Variants in REPS2 observed in about 807,000 individuals in gnomAD.
REPS2 encodes the protein RALBP1 associated Eps domain containing 2.
Under a neutral mutation model 53.6 loss-of-function variants are expected in REPS2, and 23 were observed. The ratio of observed to expected loss-of-function variants is 0.43; its 90% confidence interval spans 0.31 to 0.61. The LOEUF (loss-of-function observed/expected upper bound fraction) is 0.61. Among genes scored for constraint, REPS2 ranks in the 20% least tolerant of loss-of-function variants. The pLI is 0.11. For synonymous variants in REPS2, 238 were observed against 218.6 expected (o/e 1.09, Z -0.78); for missense variants, 446 against 534.9 (o/e 0.83, Z 1.64).
At chrX:17,181,649 C>T in the REPS2 span, among the ~76,000 whole-genome samples, 25 of 112,257 alleles carry the variant, frequency 2.2e-4, no homozygotes, top group African/African-American at 8.1e-4. Context: ...CTCATGTGCT[C>T]AATAGTGGTT....
downstream of REPS2, among the ~76,000 whole-genome samples, chrX:17,156,803 T>C (rs1403975671): frequency 8.9e-6 from 1 of 111,846 alleles, no homozygotes; most frequent in Non-Finnish European, 1.9e-5. Flanking sequence ...GAGAATTGTG[T>C]TGCAGGTCCT....
At chrX:17,087,083 G>C (rs1422347215) in intron 13 of REPS2, among the ~76,000 whole-genome samples, 1 of 112,204 alleles carries the variant, frequency 8.9e-6, no homozygotes, top group Non-Finnish European at 1.9e-5. Flanking sequence ...TGAAGGATAT[G>C]ACTTTTCAGT....
Position 16,961,402 on chromosome X carries a change from CTG to C in REPS2, c.273+14269_273+14270del, listed in dbSNP as rs749815480. ...TCTTCAATAAATGATATTGGGAAAACTGGATATTCACAGGCAAAAGAATGAAG... is the reference window on the plus strand; with the variant it reads ...TCTTCAATAAATGATATTGGGAAAACGATATTCACAGGCAAAAGAATGAAG... On this transcript the variant is annotated intron_variant, in intron 1 of 17. Coordinates refer to ENST00000357277, the MANE Select transcript of REPS2 (RefSeq NM_004726.3). Among the ~76,000 whole-genome samples the C allele has an allele frequency of 2.7e-5, 3 of 111,960 alleles. No individual in the cohort carries two copies. In the East Asian group the frequency reaches 8.3e-4, roughly 31 times the overall value.
intron 11 of REPS2, among the ~76,000 whole-genome samples, chrX:17,070,689 T>G (rs1279464461): frequency 8.9e-6 from 1 of 112,407 alleles, no homozygotes; most frequent in African/African-American, 3.2e-5. Context: ...GCTGTTTTAT[T>G]TCTTGTATAT....
chrX:17,022,011 G>A (rs1402831153), intron 2 of REPS2, 112 bp from the exon 3 acceptor site: 2 of 645,743 alleles, frequency 3.1e-6, no homozygotes, highest in Admixed American at 6.3e-5. Flanking sequence ...TTTATATTTA[G>A]TGCTCTGGAA....
chrX:17,177,575 G>A, the REPS2 span, among the ~76,000 whole-genome samples: 1 of 111,781 alleles, frequency 8.9e-6, no homozygotes, highest in African/African-American at 3.3e-5. Flanking sequence ...CCTGTCATCA[G>A]ATGGTGTATG....
intron 13 of REPS2, among the ~76,000 whole-genome samples, chrX:17,101,402 C>T (rs190124971): frequency 9.0e-6 from 1 of 111,039 alleles, no homozygotes; most frequent in East Asian, 2.8e-4. Context: ...GAATGAACAA[C>T]GGACACATAC....
intron 10 of REPS2, among the ~76,000 whole-genome samples, chrX:17,068,994 G>A (rs748324786): frequency 3.8e-4 from 43 of 111,760 alleles, no homozygotes; most frequent in African/African-American, 1.3e-3. Context: ...ACAGCATTCC[G>A]TGTTAGAGCT....
chrX:17,101,851 T>C (rs2148055197), intron 13 of REPS2, among the ~76,000 whole-genome samples: 1 of 110,947 alleles, frequency 9.0e-6, no homozygotes, highest in African/African-American at 3.3e-5. Flanking sequence ...TTGTTTTAAA[T>C]GGGTGGGTAA....
chrX:17,181,395 A>G, the REPS2 span, among the ~76,000 whole-genome samples: 84 of 112,627 alleles, frequency 7.5e-4, no homozygotes, highest in African/African-American at 2.5e-3. Flanking sequence ...GACAATAGCA[A>G]TCATGACATA....
chrX:16,961,881 T>G (rs1163328442), intron 1 of REPS2, among the ~76,000 whole-genome samples: 1 of 112,213 alleles, frequency 8.9e-6, no homozygotes, highest in Non-Finnish European at 1.9e-5. Context: ...GCCAGCAGGT[T>G]GTGAAAAGGT....
At chrX:16,994,505 G>A (rs1302056254) in intron 1 of REPS2, among the ~76,000 whole-genome samples, 1 of 111,026 alleles carries the variant, frequency 9.0e-6, no homozygotes, top group Non-Finnish European at 1.9e-5. Context: ...TGAAATAATA[G>A]CATTTGCAAC....
At position 17,069,325 on chromosome X, in the gene REPS2, G is replaced by C. The variant is rs148648706; in HGVS notation, c.1280-615G>C. Among the ~76,000 whole-genome samples the C allele has an allele frequency of 4.9e-3, 552 of 112,029 alleles. 3 individuals are homozygous for C. Among genetic ancestry groups the C allele is most frequent in the African/African-American group, 0.017 (533 of 30,855 alleles). On this transcript the variant is annotated intron_variant, in intron 10 of 17. Coordinates refer to ENST00000357277, the MANE Select transcript of REPS2 (RefSeq NM_004726.3). ...ATTGATTTACTACCCATGAATGAGA[G>C]GCTTATTTGAAGGGACTAAAAATCA... is the stretch of plus-strand genomic sequence containing the variant.
At chrX:17,038,521 C>T (rs1602755983) in intron 5 of REPS2, among the ~76,000 whole-genome samples, 1 of 112,695 alleles carries the variant, frequency 8.9e-6, no homozygotes, top group Middle Eastern at 4.6e-3. Flanking sequence ...ATCCACACTA[C>T]AAACTACCTT....
chrX:17,032,474 G>T (rs2147873519), intron 5 of REPS2, among the ~76,000 whole-genome samples: 1 of 111,366 alleles, frequency 9.0e-6, no homozygotes, highest in South Asian at 3.8e-4. Context: ...CTGTTAACTT[G>T]GTTTGGCTGG....
At chrX:17,081,489 G>A (rs958490948) in intron 13 of REPS2, among the ~76,000 whole-genome samples, 2 of 112,580 alleles carry the variant, frequency 1.8e-5, no homozygotes, top group African/African-American at 3.2e-5. Context: ...ATGAAAATAG[G>A]TAACATGATA....
intron 8 of REPS2, among the ~76,000 whole-genome samples, chrX:17,056,039 AC>A (rs2062066155): frequency 8.9e-6 from 1 of 112,005 alleles, no homozygotes; most frequent in African/African-American, 3.2e-5. Context: ...AAACAAAAAA[AC>A]TTTTGTTTCT....
chrX:17,047,279 G>A (rs1455009466), intron 5 of REPS2, 68 bp from the exon 6 acceptor site: 2 of 1,132,035 alleles, frequency 1.8e-6, no homozygotes, highest in African/African-American at 1.8e-5. Flanking sequence ...TTTTATTGGT[G>A]TTTAATTTTT....
At chrX:17,181,363 T>C in the REPS2 span, among the ~76,000 whole-genome samples, 3 of 112,946 alleles carry the variant, frequency 2.7e-5, no homozygotes, top group Non-Finnish European at 3.7e-5. Context: ...GGTCTGGCCA[T>C]GTGACTTGAT....
Sources: allele counts gnomAD v4.1 joint callset (sites outside exome capture counted in the v4.1 genomes callset), GRCh38; gene constraint gnomAD v4.1.1; transcripts MANE v1.5; gene names NCBI Gene and HGNC (gene_info 2026-07-23, HGNC 2026-07-21).